The following PLEC variants were observed in gnomAD, a reference collection of about 807,000 sequenced individuals.
PLEC encodes the protein plectin.
In PLEC, 216 loss-of-function variants were observed where a neutral mutation model predicts 392.8. That is an observed-to-expected ratio of 0.55 (90% CI 0.49 to 0.62). PLEC has a LOEUF of 0.62. Among genes scored for constraint, PLEC ranks in the 20% least tolerant of loss-of-function variants. PLEC has a pLI of 0.00. For synonymous variants in PLEC, 3,621 were observed against 2,980.6 expected (o/e 1.21, Z -7.00); for missense variants, 6,863 against 6,563.4 (o/e 1.05, Z -1.58).
At chr8:143,922,455 A>C in intron 31 of PLEC, 49 bp downstream of exon 31, 1 of 1,601,162 alleles carries the variant, frequency 6.2e-7, no homozygotes, top group Non-Finnish European at 8.5e-7. Context: ...TCACCCACCA[A>C]AGCAGATCCC....
At chr8:143,925,992 T>A (rs1586945006) in intron 30 of PLEC, 108 bp from the exon 31 acceptor site, 1 of 1,274,730 alleles carries the variant, frequency 7.8e-7, no homozygotes, top group East Asian at 2.5e-5. Flanking sequence ...GGAGCAGGGG[T>A]CGGGGAAGAC....
Position 143,930,161 on chromosome 8 carries a change from G to A in PLEC, c.2595C>T (p.Ala865=), listed in dbSNP as rs1554713055. The part of the protein sequence containing the change: ...CFLVPPPNQE[A]QEAVTRLEAQ... ...CCACCCACCTGGTGACGGCCTCCTGGGCCTCCTGGTTGGGCGGGGGCACCA... is the reference window on the plus strand; with the variant it reads ...CCACCCACCTGGTGACGGCCTCCTGAGCCTCCTGGTTGGGCGGGGGCACCA... The change falls in exon 21 of 32, where the codon GCC becomes GCT. Residue 865 remains alanine, a synonymous_variant. Transcript: ENST00000345136. The A allele has an allele frequency of 1.3e-6, 2 of 1,582,744 alleles. No individual in the cohort carries two copies. Among genetic ancestry groups the A allele is most frequent in the Non-Finnish European group, 8.5e-7 (1 of 1,170,512 alleles).
chr8:143,926,156 GGA>G lies in PLEC; in HGVS notation c.4045-274_4045-273del, dbSNP rs782681817. Among the ~76,000 whole-genome samples, 68 of 152,324 alleles carry G rather than the reference GGA, an allele frequency of 4.5e-4. No homozygotes were observed. In the Middle Eastern group the frequency reaches 0.014, roughly 30 times the overall value. On this transcript the variant is annotated intron_variant, in intron 30 of 31. Coordinates refer to ENST00000345136, the MANE Select transcript of PLEC (RefSeq NM_201384.3). ...ACAGGCGACGGAGACAGACGGACGG[GGA>G]GAGAGAGAGCAAAGCAGGAGCTCGG...
chr8:143,946,161 G>A (rs75701883), intron 1 of PLEC, among the ~76,000 whole-genome samples: 200 of 152,278 alleles, frequency 1.3e-3, no homozygotes, highest in Admixed American at 5.6e-3. Flanking sequence ...ACGGAGGTCC[G>A]GACAGGCCTG....
intron 30 of PLEC, among the ~76,000 whole-genome samples, chr8:143,926,219 G>A (rs1197131984): frequency 6.6e-6 from 1 of 152,214 alleles, no homozygotes; most frequent in African/African-American, 2.4e-5. Context: ...AGCCCTGCCT[G>A]AGCTCTGCTG....
rs782374414 is a variant in PLEC at position 143,929,445 on chromosome 8, C to T, written c.3050G>A (p.Arg1017Gln). 132 of 1,583,832 alleles carry T rather than the reference C, an allele frequency of 8.3e-5. No homozygotes were observed. The highest frequency in any genetic ancestry group is 1.5e-4 in the African/African-American group (11 of 74,512). ...LRLPLDKEPA[R>Q]ECAQRIAEQQ... The stretch of plus-strand genomic sequence containing the variant: ...CTCGGCGATGCGCTGGGCACACTCC[C>T]GTGCCGGCTCTTTGTCCAGCGGCAG... Residue 1017 changes from arginine (R) to glutamine (Q), a missense_variant, in exon 24 of 32, where the codon CGG becomes CAG. Transcript: ENST00000345136.
In PLEC at chr8:143,919,883, G is replaced by A. The variant is rs1554679784; in HGVS notation, c.9938C>T (p.Pro3313Leu). The change falls in exon 32 of 32, where the codon CCA (proline) becomes CTA (leucine). Residue 3313 changes from proline (P) to leucine (L), a missense_variant. Physicochemically the swap from Pro to Leu is moderately conservative, Grantham distance 98 (BLOSUM62 -3). Transcript: ENST00000345136. ...CCCGGAAGCCAGGAGCTCGCTGGCT[G>A]GCACAGGGGCACGGAGGCCGCTGAA... ...LSFSGLRAPV[P>L]ASELLASGVL... The A allele has an allele frequency of 3.7e-6, 6 of 1,613,030 alleles. No individual in the cohort carries two copies. The African/African-American group carries it at 8.0e-5, about 22-fold the overall frequency.
rs782375393 is a variant in PLEC at position 143,932,672 on chromosome 8, C to T, written c.1778G>A (p.Cys593Tyr). ...SPATRGAYRD[C>Y]LGRLDLQYAK... Reference sequence around the variant, plus strand: ...GTACTGCAGGTCCAGCCGACCCAGGCAGTCACGGTAGGCACCCCGGGTGGC... The same window carrying T: ...GTACTGCAGGTCCAGCCGACCCAGGTAGTCACGGTAGGCACCCCGGGTGGC... Residue 593 changes from cysteine (C) to tyrosine (Y), a missense_variant, in exon 15 of 32, where the codon TGC becomes TAC. Cys to Tyr is a radical substitution (Grantham distance 194). Transcript: ENST00000345136. 2 of 1,610,550 alleles carry T rather than the reference C, an allele frequency of 1.2e-6. No individual in the cohort carries two copies. Among genetic ancestry groups the T allele is most frequent in the East Asian group, 2.2e-5 (1 of 44,758 alleles).
At position 143,923,174 on chromosome 8, in the gene PLEC, C is replaced by T. The variant is rs534585094; in HGVS notation, c.6755G>A (p.Arg2252His). The T allele has an allele frequency of 1.1e-5, 17 of 1,602,490 alleles. No individual in the cohort carries two copies. Among genetic ancestry groups the T allele is most frequent in the Middle Eastern group, 1.6e-4 (1 of 6,062 alleles). ...KLKARIEAEN[R>H]ALILRDKDNT... ...GTCCTTGTCACGCAAGATGAGTGCG[C>T]GGTTCTCAGCCTCGATGCGTGCCTT... The change falls in exon 31 of 32, where the codon CGC becomes CAC. Residue 2252 changes from arginine to histidine, a missense_variant. Coordinates refer to ENST00000345136, the MANE Select transcript of PLEC (RefSeq NM_201384.3).
At chr8:143,940,566 G>A (rs1175068847), upstream of PLEC, among the ~76,000 whole-genome samples, 1 of 152,184 alleles carries the variant, frequency 6.6e-6, no homozygotes, top group African/African-American at 2.4e-5. Flanking sequence ...GTCCGGGGCG[G>A]AGCTGCCTCT....
In PLEC at chr8:143,921,370, G is replaced by A. The variant is rs201869295; in HGVS notation, c.8451C>T (p.Asp2817=). The A allele has an allele frequency of 2.3e-5, 37 of 1,613,472 alleles. No homozygotes were observed. The African/African-American group carries it at 4.0e-4, about 17-fold the overall frequency. ...CGGGCACGCGGTGGCTGTGCACGGG[G>A]TCGATAACGCCGCCCGTGGCGATCT... ...EAQIATGGVI[D]PVHSHRVPVD... Residue 2817 remains aspartate, a synonymous_variant, in exon 32 of 32, where the codon GAC becomes GAT. Coordinates refer to ENST00000345136, the MANE Select transcript of PLEC (RefSeq NM_201384.3).
At chr8:143,934,115 G>C in intron 11 of PLEC, 24 bp from the exon 12 acceptor site, 1 of 1,606,576 alleles carries the variant, frequency 6.2e-7, no homozygotes, top group East Asian at 2.3e-5. Context: ...ACAGGGAAGG[G>C]GCCGCGTTGG....
chr8:143,919,158 T>G lies in PLEC; in HGVS notation c.10663A>C (p.Thr3555Pro). The G allele has an allele frequency of 6.2e-7, 1 of 1,613,600 alleles. No individual in the cohort carries two copies. Among genetic ancestry groups the G allele is most frequent in the Non-Finnish European group, 8.5e-7 (1 of 1,180,022 alleles). ...GTCTCCTCCTCAGTGTACACCTGCGTGGTCTCCACCACCTCAGCCTTCTCC... is the reference window on the plus strand; with the variant it reads ...GTCTCCTCCTCAGTGTACACCTGCGGGGTCTCCACCACCTCAGCCTTCTCC... ...GAEKAEVVETTQVYTEEETRR... is the reference protein window; with the variant it reads ...GAEKAEVVETPQVYTEEETRR... The change falls in exon 32 of 32, where the codon ACG (threonine) becomes CCG (proline). Residue 3555 changes from threonine (T) to proline (P), a missense_variant. Transcript: ENST00000345136.
In PLEC at chr8:143,926,774, C is replaced by T. The variant is rs371827747; in HGVS notation, c.4044+10G>A. The T allele has an allele frequency of 7.1e-5, 114 of 1,608,346 alleles. No individual in the cohort carries two copies. The highest frequency in any genetic ancestry group is 1.7e-4 in the Middle Eastern group (1 of 6,050). ...AACCCTCTGCCCAGCCTCCGCCCAA[C>T]GGGCTGTACCTCCTCCTCCTCCATG... On this transcript the variant is annotated intron_variant, in intron 30 of 31. Transcript: ENST00000345136.
chr8:143,938,553 T>G (rs1829697200), intron 2 of PLEC, 78 bp downstream of exon 2: 1 of 1,557,076 alleles, frequency 6.4e-7, no homozygotes, highest in Admixed American at 1.7e-5. Context: ...GGGACAGCCT[T>G]GGGCGGCAGG....
At chr8:143,952,222 GCA>G (rs1554737437), upstream of PLEC, among the ~76,000 whole-genome samples, 313 of 120,886 alleles carry the variant, frequency 2.6e-3, 2 homozygotes, top group Non-Finnish European at 4.6e-3. Flanking sequence ...GCGCACACAC[GCA>G]CGCGCACGCG....
chr8:143,953,669 C>G, upstream of PLEC: 1 of 1,563,108 alleles, frequency 6.4e-7, no homozygotes, highest in Non-Finnish European at 8.7e-7. Context: ...CTGCACCCAG[C>G]CAGAGGTCAC....
chr8:143,927,774 G>T lies in PLEC; in HGVS notation c.3400-8C>A. The T allele has an allele frequency of 6.3e-7, 1 of 1,599,280 alleles. No individual in the cohort carries two copies. Among genetic ancestry groups the T allele is most frequent in the Non-Finnish European group, 8.5e-7 (1 of 1,173,608 alleles). Reference sequence around the variant, plus strand: ...GGCCTGGGCCCGCAGCTTCTGTTGGGGACAGGAGGGACATGTGCGGCTTCA... The same window carrying T: ...GGCCTGGGCCCGCAGCTTCTGTTGGTGACAGGAGGGACATGTGCGGCTTCA... On this transcript the variant is annotated splice_region_variant and splice_polypyrimidine_tract_variant and intron_variant, in intron 26 of 31. Coordinates refer to ENST00000345136, the MANE Select transcript of PLEC (RefSeq NM_201384.3).
chr8:143,923,535 G>A lies in PLEC; in HGVS notation c.6394C>T (p.Gln2132Ter). ...TTGCGCAGCTTCTCTGCAGCCGCCT[G>A]TGCCTGAGCCCGGGCCTGTGCCTGC... ...EEQAQARAQAQAAAEKLRKEA... is the reference protein window; with the variant it reads ...EEQAQARAQA The change falls in exon 31 of 32, where the codon CAG (glutamine) becomes TAG (stop). Residue 2132 changes from glutamine to a stop codon, truncating the protein, a stop_gained. Coordinates refer to ENST00000345136, the MANE Select transcript of PLEC (RefSeq NM_201384.3). LOFTEE classifies it high-confidence loss of function. The A allele has an allele frequency of 6.3e-7, 1 of 1,598,926 alleles. No individual in the cohort carries two copies. Among genetic ancestry groups the A allele is most frequent in the Non-Finnish European group, 8.5e-7 (1 of 1,178,278 alleles).
Sources: gnomAD v4.1 joint callset for allele counts (sites outside exome capture counted in the v4.1 genomes callset) on GRCh38, gnomAD v4.1.1 for gene constraint, MANE v1.5 for transcripts, NCBI Gene and HGNC (gene_info 2026-07-23, HGNC 2026-07-21) for gene names.